The following MECOM variants were observed in gnomAD, a reference collection of about 807,000 sequenced individuals.
MECOM encodes histone-lysine N-methyltransferase MECOM.
In MECOM, 13 loss-of-function variants were observed where a neutral mutation model predicts 116.3. The ratio of observed to expected loss-of-function variants is 0.11; its 90% confidence interval spans 0.07 to 0.18. MECOM has a LOEUF of 0.18. Ranked by LOEUF, MECOM falls within the 10% of genes least tolerant of loss-of-function variation. The probability of loss-of-function intolerance (pLI) is 1.00; values close to 1 mark genes in which losing one functional copy is unlikely to be tolerated. For synonymous variants in MECOM, 528 were observed against 535.2 expected (o/e 0.99, Z 0.19); for missense variants, 1,299 against 1,509.0 (o/e 0.86, Z 2.31).
chr3:169,103,587 A>T (rs1273816543), intron 10 of MECOM, among the ~76,000 whole-genome samples: 1 of 152,198 alleles, frequency 6.6e-6, no homozygotes, highest in South Asian at 2.1e-4. Context: ...ATCACTGCAA[A>T]TTCAAACAAC....
chr3:169,170,629 C>T (rs1744280717), intron 2 of MECOM, among the ~76,000 whole-genome samples: 1 of 152,018 alleles, frequency 6.6e-6, no homozygotes, highest in Non-Finnish European at 1.5e-5. Flanking sequence ...CTCTAGTCTA[C>T]ATTATGAGCC....
At chr3:169,656,154 G>A (rs182570523) in intron 1 of MECOM, among the ~76,000 whole-genome samples, 23 of 152,222 alleles carry the variant, frequency 1.5e-4, no homozygotes, top group African/African-American at 5.5e-4. Context: ...AAACTGCCAT[G>A]TACAAGCACT....
At chr3:169,105,777 C>G (rs1369280776) in intron 10 of MECOM, among the ~76,000 whole-genome samples, 1 of 152,024 alleles carries the variant, frequency 6.6e-6, no homozygotes, top group East Asian at 1.9e-4. Flanking sequence ...GTCATTTCAC[C>G]CTGTTCCAGT....
intron 1 of MECOM, among the ~76,000 whole-genome samples, chr3:169,652,801 A>G (rs1775079001): frequency 6.6e-6 from 1 of 152,242 alleles, no homozygotes; most frequent in East Asian, 1.9e-4. Flanking sequence ...ACCATGCTCT[A>G]TATTAATAGA....
At chr3:169,567,947 C>A (rs1437021448) in intron 1 of MECOM, among the ~76,000 whole-genome samples, 1 of 152,156 alleles carries the variant, frequency 6.6e-6, no homozygotes, top group Non-Finnish European at 1.5e-5. Flanking sequence ...TGAATAGGAA[C>A]AACTCCAGTC....
chr3:169,116,955 T>C (rs1729350804), intron 7 of MECOM, among the ~76,000 whole-genome samples: 1 of 152,114 alleles, frequency 6.6e-6, no homozygotes, highest in Non-Finnish European at 1.5e-5. Flanking sequence ...GCACAAATAT[T>C]TCATATATAT....
At chr3:169,659,475 C>CTTTTTTTTTTTT (rs1775985692) in intron 1 of MECOM, among the ~76,000 whole-genome samples, 1 of 13,746 alleles carries the variant, frequency 7.3e-5, no homozygotes, top group African/African-American at 2.8e-4. Context: ...TTTTTTTTTG[C>CTTTTTTTTTTTT]AAAACACATC....
At chr3:169,526,123 G>T (rs926960762) in intron 1 of MECOM, among the ~76,000 whole-genome samples, 1 of 151,958 alleles carries the variant, frequency 6.6e-6, no homozygotes, top group Non-Finnish European at 1.5e-5. Flanking sequence ...TGAAACAATA[G>T]TTGACTCAGG....
chr3:169,442,090 T>G (rs1478860644), intron 1 of MECOM, among the ~76,000 whole-genome samples: 1 of 152,124 alleles, frequency 6.6e-6, no homozygotes, highest in African/African-American at 2.4e-5. Context: ...CACACCCAGC[T>G]AATTTTTGTA....
intron 2 of MECOM, among the ~76,000 whole-genome samples, chr3:169,183,169 T>C (rs1746203599): frequency 6.6e-6 from 1 of 152,190 alleles, no homozygotes; most frequent in Non-Finnish European, 1.5e-5. Context: ...GGCAAGTTGT[T>C]GCTGTTGCTA....
chr3:169,526,061 C>A (rs1183106477), intron 1 of MECOM, among the ~76,000 whole-genome samples: 1 of 151,780 alleles, frequency 6.6e-6, no homozygotes, highest in Admixed American at 6.6e-5. Flanking sequence ...GGATACTAAC[C>A]AATAGCAGTA....
chr3:169,468,281 C>A (rs1029656532), intron 1 of MECOM, among the ~76,000 whole-genome samples: 2 of 152,150 alleles, frequency 1.3e-5, no homozygotes, highest in African/African-American at 2.4e-5. Context: ...TTTCAACATA[C>A]CCATCCCTTA....
rs558459456 is a variant in MECOM at position 169,395,880 on chromosome 3, G to A, written c.38-14356C>T. On this transcript the variant is annotated intron_variant, in intron 1 of 16. Coordinates refer to ENST00000651503, the MANE Select transcript of MECOM (RefSeq NM_004991.4). ...TGTTTTCTTCACTGGTGCCTTTGCA[G>A]CACCAAGCATAGTGTCTGGTACATA... 4.6e-5 allele frequency among the ~76,000 whole-genome samples: 7 copies of A among 152,230 alleles called. No individual in the cohort carries two copies. The East Asian group carries it at 1.2e-3, about 25-fold the overall frequency.
chr3:169,421,419 C>A (rs191296401), intron 1 of MECOM, among the ~76,000 whole-genome samples: 180 of 152,122 alleles, frequency 1.2e-3, no homozygotes, highest in African/African-American at 3.8e-3. Flanking sequence ...TTCCTTTCTC[C>A]CCATGAGGCC....
At chr3:169,438,794 C>A (rs1343088226) in intron 1 of MECOM, among the ~76,000 whole-genome samples, 1 of 152,132 alleles carries the variant, frequency 6.6e-6, no homozygotes, top group Admixed American at 6.6e-5. Context: ...CATTTAAAAC[C>A]ATGTGTGTTT....
At chr3:169,310,759 G>A (rs1003292827) in intron 2 of MECOM, among the ~76,000 whole-genome samples, 1 of 152,158 alleles carries the variant, frequency 6.6e-6, no homozygotes, top group Admixed American at 6.5e-5. Context: ...GCGATGACCT[G>A]TTCTCCTTTT....
At chr3:169,235,479 A>C (rs1753916302) in intron 2 of MECOM, among the ~76,000 whole-genome samples, 1 of 152,160 alleles carries the variant, frequency 6.6e-6, no homozygotes, top group Non-Finnish European at 1.5e-5. Flanking sequence ...ACAAATGCAC[A>C]TGCATACACA....
intron 2 of MECOM, among the ~76,000 whole-genome samples, chr3:169,281,251 A>G (rs1711927530): frequency 6.6e-6 from 1 of 152,188 alleles, no homozygotes; most frequent in South Asian, 2.1e-4. Context: ...TCACATTGCC[A>G]TCTGAGGAGT....
chr3:169,576,806 C>T (rs1342921760), intron 1 of MECOM, among the ~76,000 whole-genome samples: 1 of 101,598 alleles, frequency 9.8e-6, no homozygotes, highest in Non-Finnish European at 2.0e-5. Context: ...TACACACACA[C>T]ACACACACAC....
Sources: allele counts gnomAD v4.1 joint callset (sites outside exome capture counted in the v4.1 genomes callset), GRCh38; gene constraint gnomAD v4.1.1; transcripts MANE v1.5; gene names NCBI Gene and HGNC (gene_info 2026-07-23, HGNC 2026-07-21).